The following CELSR1 variants were observed in gnomAD, a reference collection of about 807,000 sequenced individuals.
CELSR1 encodes cadherin EGF LAG seven-pass G-type receptor 1.
A neutral mutation model predicts 249.1 loss-of-function variants in CELSR1; 110 were observed. That is an observed-to-expected ratio of 0.44 (90% CI 0.38 to 0.52). The LOEUF is 0.52. CELSR1 is among the 20% of genes least tolerant of loss of function. The probability of loss-of-function intolerance (pLI) is 0.00; values close to 1 mark genes in which losing one functional copy is unlikely to be tolerated. For synonymous variants in CELSR1, 2,113 were observed against 1,900.0 expected, an observed-to-expected ratio of 1.11 and a Z score of -2.92; for missense variants, 4,109 against 4,296.4, an observed-to-expected ratio of 0.96 and a Z score of 1.22.
At chr22:46,494,158 C>T (rs2080392980) in intron 1 of CELSR1, among the ~76,000 whole-genome samples, 2 of 152,298 alleles carry the variant, frequency 1.3e-5, no homozygotes, top group Admixed American at 6.5e-5. Context: ...TTTCTGGGCT[C>T]TCTCTTCCAT....
rs2080852650 is a variant in CELSR1 at position 46,536,156 on chromosome 22, T to C, written c.1015A>G (p.Ile339Val). Residue 339 changes from isoleucine to valine, a missense_variant, in exon 1 of 35, where the codon ATC becomes GTC. This residue lies in a region of CELSR1 where 673 missense variants were observed against 636.8 expected (regional missense o/e 1.06). Transcript: ENST00000674500. ...STPPRSATTY[I>V]TVLVKDTNDH... ...TTGGTGTCTTTGACCAAGACAGTGA[T>C]GTAGGTGGTGGCCGAGCGCGGCGGC... The C allele has an allele frequency of 1.2e-6, 2 of 1,612,836 alleles. No homozygotes were observed. The highest frequency in any genetic ancestry group is 1.3e-5 in the African/African-American group (1 of 74,948).
intron 1 of CELSR1, among the ~76,000 whole-genome samples, chr22:46,521,136 C>A (rs1439037955): frequency 6.6e-6 from 1 of 152,206 alleles, no homozygotes; most frequent in Non-Finnish European, 1.5e-5. Context: ...TTCACAGACA[C>A]CTGGGTTGCT....
intron 1 of CELSR1, among the ~76,000 whole-genome samples, chr22:46,495,486 T>G (rs1230876757): frequency 6.6e-6 from 1 of 152,212 alleles, no homozygotes; most frequent in Non-Finnish European, 1.5e-5. Context: ...GACATAACTG[T>G]GCACTCCTGC....
chr22:46,422,765 T>TAAAAAA (rs2079491716), intron 5 of CELSR1, among the ~76,000 whole-genome samples: 2 of 97,852 alleles, frequency 2.0e-5, no homozygotes, highest in African/African-American at 1.4e-4. Flanking sequence ...AGACTCCATC[T>TAAAAAA]CAAAAAAAAA....
chr22:46,455,299 G>C (rs2079934956), intron 2 of CELSR1, among the ~76,000 whole-genome samples: 1 of 152,070 alleles, frequency 6.6e-6, no homozygotes, highest in Non-Finnish European at 1.5e-5. Context: ...GCGCCATCTC[G>C]GCTCACTGTA....
intron 31 of CELSR1, 59 bp downstream of exon 31, chr22:46,365,527 G>T: frequency 6.5e-7 from 1 of 1,541,742 alleles, no homozygotes; most frequent in South Asian, 1.2e-5. Context: ...TCTGTCCAGT[G>T]ACCGAAGGGA....
chr22:46,464,325 C>T lies in CELSR1; in HGVS notation c.3565G>A (p.Ala1189Thr). ...ATGGTGACACGCAGGGTGCAGAAGG[C>T]CGTGACGCTGTGGATGCCATCTGCA... ...SVSDGIHSVT[A>T]FCTLRVTIIT... The change falls in exon 2 of 35, where the codon GCC (alanine) becomes ACC (threonine). Residue 1189 changes from alanine to threonine, a missense_variant. By Grantham distance (58) the Ala-to-Thr change is moderately conservative (BLOSUM62 0). Coordinates refer to ENST00000674500, the MANE Select transcript of CELSR1 (RefSeq NM_001378328.1). The surrounding 1 kb of genome is among the most constrained non-coding windows in gnomAD (Gnocchi z 8.5). The T allele has an allele frequency of 6.2e-7, 1 of 1,610,858 alleles. No individual in the cohort carries two copies. The highest frequency in any genetic ancestry group is 8.5e-7 in the Non-Finnish European group (1 of 1,178,512).
intron 1 of CELSR1, among the ~76,000 whole-genome samples, chr22:46,475,663 G>GGC (rs1240944520): frequency 6.7e-6 from 1 of 149,810 alleles, no homozygotes; most frequent in East Asian, 2.0e-4. Flanking sequence ...AACGAATGGG[G>GGC]GGGGAAGAAA....
Position 46,536,214 on chromosome 22 carries a change from G to A in CELSR1, c.957C>T (p.His319=), listed in dbSNP as rs766441807. The stretch of plus-strand genomic sequence containing the variant: ...AGTCCACGGCTTTCACCCTGAGGAC[G>A]TGCGTCTCCTTGGTCTCGCGGTCCA... ...SVLDRETKET[H]VLRVKAVDYS... is the part of the protein sequence containing the mutation. Residue 319 remains histidine, a synonymous_variant, in exon 1 of 35, where the codon CAC becomes CAT. Transcript: ENST00000674500. 8.1e-6 allele frequency: 13 copies of A among 1,612,706 alleles called. No individual in the cohort carries two copies. The highest frequency in any genetic ancestry group is 1.1e-5 in the Non-Finnish European group (13 of 1,179,986).
chr22:46,469,103 AGCCTATGACCCACAG>A, intron 1 of CELSR1, among the ~76,000 whole-genome samples: 1 of 152,252 alleles, frequency 6.6e-6, no homozygotes, highest in South Asian at 2.1e-4. Flanking sequence ...TCTTAAAAAT[AGCCTATGACCCACAG>A]GCATTGCTTG....
At chr22:46,415,554 T>C (rs1019033439) in intron 5 of CELSR1, among the ~76,000 whole-genome samples, 2 of 151,988 alleles carry the variant, frequency 1.3e-5, no homozygotes, top group African/African-American at 4.8e-5. Context: ...GGTACAATAC[T>C]CTGAATATAC....
Position 46,534,015 on chromosome 22 carries a change from G to C in CELSR1, c.3156C>G (p.Leu1052=), listed in dbSNP as rs928787596. 6.2e-7 allele frequency: 1 copy of C among 1,613,592 alleles called. No individual in the cohort carries two copies. The highest frequency in any genetic ancestry group is 1.1e-5 in the South Asian group (1 of 91,086). The change falls in exon 1 of 35, where the codon CTC becomes CTG. Residue 1052 remains leucine (L), a synonymous_variant. Transcript: ENST00000674500. This position sits in a 1 kb window ranked among gnomAD's most constrained non-coding sequence, Gnocchi z 9.7. ...CCACCATGGCACGCAGGTCCCCGTT[G>C]AGCAGGTCCAGCTGGAAGAAATGCC... is the stretch of plus-strand genomic sequence containing the variant. ...DMRHFFQLDL[L]NGDLRAMVEL...
chr22:46,409,136 C>T lies in CELSR1; in HGVS notation c.5086G>A (p.Gly1696Ser), dbSNP rs1209081371. 5.6e-6 allele frequency: 9 copies of T among 1,613,218 alleles called. No individual in the cohort carries two copies. Among genetic ancestry groups the T allele is most frequent in the East Asian group, 2.2e-5 (1 of 44,864 alleles). ...QAMPHPQLFS[G>S]ESVVSWSDLN... ...TCACTCCAGGACACGACGCTCTCACCGCTGAAGAGCTGGGGGTGAGGCATG... is the reference window on the plus strand; with the variant it reads ...TCACTCCAGGACACGACGCTCTCACTGCTGAAGAGCTGGGGGTGAGGCATG... Residue 1696 changes from glycine (G) to serine (S), a missense_variant, in exon 9 of 35, where the codon GGT (glycine) becomes AGT (serine). Around this residue, in one of 7 missense-constraint regions of CELSR1, gnomAD observed 453 missense variants for 492.0 expected, o/e 0.92. Transcript: ENST00000674500. The surrounding 1 kb of genome is among the most constrained non-coding windows in gnomAD (Gnocchi z 9.8).
rs183097436 is a variant in CELSR1 at position 46,485,491 on chromosome 22, G to A, written c.3545-21146C>T. On this transcript the variant is annotated intron_variant, in intron 1 of 34. Transcript: ENST00000674500. ...CGGGAGGAGGCCCATGTGCCTGGGA[G>A]GCTGCATGCGGGGCCGCCAGGCAGC... Among the ~76,000 whole-genome samples, 3 of 152,350 alleles carry A rather than the reference G, an allele frequency of 2.0e-5. No individual in the cohort carries two copies. In the East Asian group the frequency reaches 5.8e-4, roughly 29 times the overall value.
rs1028505539 is a variant in CELSR1 at position 46,427,518 on chromosome 22, C to A, written c.4611+5875G>T. Among the ~76,000 whole-genome samples, 1 of 152,140 alleles carries A rather than the reference C, an allele frequency of 6.6e-6. No individual in the cohort carries two copies. Among genetic ancestry groups the A allele is most frequent in the Non-Finnish European group, 1.5e-5 (1 of 68,028 alleles). ...CAACAAAGGCGCCTGGGCGACAGAG[C>A]GGGACTCCATCTCAAAAATAAAATA... On this transcript the variant is annotated intron_variant, in intron 5 of 34. Coordinates refer to ENST00000674500, the MANE Select transcript of CELSR1 (RefSeq NM_001378328.1). This position sits in a 1 kb window ranked among gnomAD's most constrained non-coding sequence, Gnocchi z 4.2.
intron 24 of CELSR1, among the ~76,000 whole-genome samples, chr22:46,375,139 G>A (rs1345294858): frequency 2.0e-5 from 3 of 152,164 alleles, no homozygotes; most frequent in South Asian, 4.1e-4. Context: ...AGGTCTGCAC[G>A]TGGCCCTGAG....
rs200844720 is a variant in CELSR1, at chr22:46,533,664, G to T, written c.3507C>A (p.Asn1169Lys). 2.7e-5 allele frequency: 44 copies of T among 1,601,902 alleles called. 1 individual carries two copies. The highest frequency in any genetic ancestry group is 3.7e-5 in the Non-Finnish European group (44 of 1,176,220). The change falls in exon 1 of 35, where the codon AAC (asparagine) becomes AAA (lysine). Residue 1169 changes from asparagine (N) to lysine (K), a missense_variant. Asn to Lys is a moderately conservative substitution (Grantham distance 94). This residue lies in a region of CELSR1 where 886 missense variants were observed against 896.5 expected (regional missense o/e 0.99). Transcript: ENST00000674500. ...CCTCCATGAGCGCCTCCAGCGGCCG[G>T]TTGTTGTCCAGGTCGCGGCTGAGCT... ...ELQLSRDLDNNRPLEALMEVS... is the reference protein window; with the variant it reads ...ELQLSRDLDNKRPLEALMEVS...
rs756670282 is a variant in CELSR1 at position 46,468,992 on chromosome 22, C to T, written c.3545-4647G>A. On this transcript the variant is annotated intron_variant, in intron 1 of 34. Coordinates refer to ENST00000674500, the MANE Select transcript of CELSR1 (RefSeq NM_001378328.1). The surrounding 1 kb of genome is among the most constrained non-coding windows in gnomAD (Gnocchi z 4.5). ...TCGGAAGGCTGAGGCTTGAGAATCG[C>T]TTGAACCTGGGAGGCAGAGGTTGCA... is the stretch of plus-strand genomic sequence containing the variant. 2.6e-5 allele frequency among the ~76,000 whole-genome samples: 4 copies of T among 152,100 alleles called. No homozygotes were observed. Among genetic ancestry groups the T allele is most frequent in the Non-Finnish European group, 4.4e-5 (3 of 68,020 alleles).
chr22:46,533,507 A>C, intron 1 of CELSR1, 120 bp downstream of exon 1: 1 of 1,393,528 alleles, frequency 7.2e-7, no homozygotes, highest in Admixed American at 2.5e-5. Flanking sequence ...AAATCCTTGC[A>C]GAGTTGCCCG....
Sources: gnomAD v4.1 joint callset for allele counts (sites outside exome capture counted in the v4.1 genomes callset) on GRCh38, gnomAD v4.1.1 for gene constraint, gnomAD v4.1.1 regional missense constraint, Gnocchi (gnomAD v3.1) non-coding constraint, MANE v1.5 for transcripts, NCBI Gene and HGNC (gene_info 2026-07-23, HGNC 2026-07-21) for gene names.